Variants in UNC5C observed in about 807,000 individuals in gnomAD.
UNC5C encodes the protein unc-5 netrin receptor C.
UNC5C carries 47 observed loss-of-function variants against 99.8 expected under a neutral mutation model. The observed-to-expected ratio is 0.47, with a 90% CI of 0.37 to 0.60. The LOEUF is 0.60. UNC5C is among the 20% of genes least tolerant of loss of function. UNC5C has a pLI of 0.00. For synonymous variants in UNC5C, 487 were observed against 452.2 expected (o/e 1.08, Z -0.98); for missense variants, 1,062 against 1,165.9 (o/e 0.91, Z 1.30).
At chr4:95,456,241 G>A (rs913241704) in intron 1 of UNC5C, among the ~76,000 whole-genome samples, 1 of 151,994 alleles carries the variant, frequency 6.6e-6, no homozygotes, top group Non-Finnish European at 1.5e-5. Flanking sequence ...GAGAAAATGT[G>A]TTCAAGTAAA....
chr4:95,170,400 T>G, intron 14 of UNC5C, 68 bp from the exon 15 acceptor site: 1 of 1,529,182 alleles, frequency 6.5e-7, no homozygotes, highest in South Asian at 1.2e-5. Flanking sequence ...ATTGAACCAA[T>G]CAACATAATG....
intron 1 of UNC5C, among the ~76,000 whole-genome samples, chr4:95,543,769 G>A (rs1722984840): frequency 6.6e-6 from 1 of 152,132 alleles, no homozygotes; most frequent in South Asian, 2.1e-4. Context: ...TTCTTGCAAG[G>A]ACTTAACTGG....
intron 10 of UNC5C, among the ~76,000 whole-genome samples, chr4:95,209,995 A>G (rs1738021327): frequency 6.6e-6 from 1 of 152,198 alleles, no homozygotes; most frequent in African/African-American, 2.4e-5. Flanking sequence ...GATTGGAGAC[A>G]TCTATCTCTC....
At chr4:95,373,158 C>A (rs889020983) in intron 1 of UNC5C, among the ~76,000 whole-genome samples, 2 of 152,108 alleles carry the variant, frequency 1.3e-5, no homozygotes, top group African/African-American at 4.8e-5. Context: ...GACCCCTAAA[C>A]GCAACTATCC....
chr4:95,231,932 C>G (rs1352897742), intron 7 of UNC5C, among the ~76,000 whole-genome samples: 1 of 152,178 alleles, frequency 6.6e-6, no homozygotes, highest in Non-Finnish European at 1.5e-5. Context: ...TGTCAGTTAT[C>G]TAAATTGCCA....
At chr4:95,527,626 A>G (rs1722532093) in intron 1 of UNC5C, among the ~76,000 whole-genome samples, 1 of 152,100 alleles carries the variant, frequency 6.6e-6, no homozygotes, top group Admixed American at 6.6e-5. Context: ...TGTAATTACT[A>G]TTTTTACCTA....
Position 95,537,891 on chromosome 4 carries a change from C to A in UNC5C, c.124+10843G>T, listed in dbSNP as rs76623716. On this transcript the variant is annotated intron_variant, in intron 1 of 15. Transcript: ENST00000453304. ...ATAGTTTCAAAATACACTGAAAAAC[C>A]AGACACTCAGCTAAAAGTAAAAAAA... Among the ~76,000 whole-genome samples the A allele has an allele frequency of 1.4e-3, 209 of 152,128 alleles. 4 individuals are homozygous for A. The East Asian group carries it at 0.034, about 25-fold the overall frequency.
At chr4:95,214,349 C>G (rs1738174810) in intron 10 of UNC5C, among the ~76,000 whole-genome samples, 1 of 152,174 alleles carries the variant, frequency 6.6e-6, no homozygotes, top group Non-Finnish European at 1.5e-5. Flanking sequence ...TTTATGCACA[C>G]CAAATTCAAC....
intron 7 of UNC5C, among the ~76,000 whole-genome samples, chr4:95,231,234 C>T (rs1579251362): frequency 6.6e-6 from 1 of 152,012 alleles, no homozygotes; most frequent in African/African-American, 2.4e-5. Context: ...TCCTGCTTGC[C>T]TTTGAGGTTT....
chr4:95,240,657 A>G (rs1739298510), intron 7 of UNC5C, among the ~76,000 whole-genome samples: 2 of 152,194 alleles, frequency 1.3e-5, no homozygotes, highest in Admixed American at 6.5e-5. Flanking sequence ...CAAACAACTA[A>G]AAAATCTCCT....
rs1344574063 is a variant in UNC5C at position 95,166,584 on chromosome 4, T to G, written c.*2650A>C. ...GTGACTTTTTAGTCAAAATAAGTTT[T>G]TAGTAACAGTTATGGAATTGATTCA... On this transcript the variant is annotated 3_prime_UTR_variant, in exon 16 of 16. Coordinates refer to ENST00000453304, the MANE Select transcript of UNC5C (RefSeq NM_003728.4). 1 of 152,218 alleles carries G rather than the reference T, an allele frequency of 6.6e-6. No homozygotes were observed. The highest frequency in any genetic ancestry group is 1.5e-5 in the Non-Finnish European group (1 of 68,044). The allele number at this position is 152,218 out of a possible 1,614,324, so 9.4% of individuals were successfully genotyped here.
chr4:95,333,271 C>T (rs982702051), intron 2 of UNC5C, among the ~76,000 whole-genome samples: 14 of 152,168 alleles, frequency 9.2e-5, no homozygotes, highest in East Asian at 3.9e-4. Context: ...CACATGCACA[C>T]GTATGTTTAT....
chr4:95,469,749 A>T (rs1747909432), intron 1 of UNC5C, among the ~76,000 whole-genome samples: 1 of 152,112 alleles, frequency 6.6e-6, no homozygotes, highest in Non-Finnish European at 1.5e-5. Flanking sequence ...GTGGCACTTC[A>T]TGTAGGTCCC....
At chr4:95,345,953 C>A (rs1055860776) in intron 1 of UNC5C, among the ~76,000 whole-genome samples, 1 of 151,422 alleles carries the variant, frequency 6.6e-6, no homozygotes, top group Non-Finnish European at 1.5e-5. Flanking sequence ...ACTGGAGAAG[C>A]TATAGCAAAC....
intron 3 of UNC5C, among the ~76,000 whole-genome samples, chr4:95,298,064 T>G (rs1741725912): frequency 6.6e-6 from 1 of 152,148 alleles, no homozygotes; most frequent in Non-Finnish European, 1.5e-5. Context: ...ATCCCAATAT[T>G]TTGGGAGGCT....
At chr4:95,491,015 G>A (rs536305926) in intron 1 of UNC5C, among the ~76,000 whole-genome samples, 10 of 151,540 alleles carry the variant, frequency 6.6e-5, no homozygotes, top group South Asian at 2.1e-4. Flanking sequence ...CAGAGTAGGC[G>A]CTTAATACAT....
intron 9 of UNC5C, 128 bp downstream of exon 9, chr4:95,218,841 G>T: frequency 1.1e-6 from 1 of 872,622 alleles, no homozygotes; most frequent in Non-Finnish European, 1.7e-6. Flanking sequence ...ATTGAAAGTA[G>T]ATTTGGGCTG....
intron 1 of UNC5C, among the ~76,000 whole-genome samples, chr4:95,367,697 C>T (rs1029390786): frequency 6.6e-6 from 1 of 151,946 alleles, no homozygotes; most frequent in Admixed American, 6.6e-5. Context: ...ACTATTTATC[C>T]TAATAATATT....
intron 5 of UNC5C, 79 bp downstream of exon 5, chr4:95,250,408 A>G: frequency 7.0e-7 from 1 of 1,432,204 alleles, no homozygotes; most frequent in Non-Finnish European, 9.5e-7. Context: ...TTTTAAAAAA[A>G]GGGCTTCTAG....
Sources: gnomAD v4.1 joint callset for allele counts (sites outside exome capture counted in the v4.1 genomes callset) on GRCh38, gnomAD v4.1.1 for gene constraint, MANE v1.5 for transcripts, NCBI Gene and HGNC (gene_info 2026-07-23, HGNC 2026-07-21) for gene names.